Variants in THBS2 observed in about 807,000 individuals in gnomAD.
The protein encoded by THBS2 is thrombospondin 2, also known as thrombospondin-2.
In THBS2, 47 loss-of-function variants were observed where a neutral mutation model predicts 135.2. That is an observed-to-expected ratio of 0.35 (90% CI 0.28 to 0.44). The LOEUF (loss-of-function observed/expected upper bound fraction) is 0.44, where lower values mean the gene tolerates loss of function less well. THBS2 is among the 20% of genes least tolerant of loss of function. The probability of loss-of-function intolerance (pLI) is 1.00; values close to 1 mark genes in which losing one functional copy is unlikely to be tolerated. For synonymous variants in THBS2, 639 were observed against 633.8 expected, an observed-to-expected ratio of 1.01 and a Z score of -0.12; for missense variants, 1,288 against 1,603.1, an observed-to-expected ratio of 0.80 and a Z score of 3.36.
intron 3 of THBS2, among the ~76,000 whole-genome samples, chr6:169,248,185 G>T (rs969267530): frequency 4.6e-5 from 7 of 151,926 alleles, no homozygotes; most frequent in African/African-American, 1.7e-4. Flanking sequence ...TTGTGTGTGT[G>T]TGTGGTGTGT....
Position 169,253,782 on chromosome 6 carries a change from A to C in THBS2, c.-81T>G, listed in dbSNP as rs994882974. 2.6e-5 allele frequency: 4 copies of C among 152,376 alleles called. No homozygotes were observed. Among genetic ancestry groups the C allele is most frequent in the Middle Eastern group, 3.4e-3 (1 of 294 alleles). The allele number at this position is 152,376 out of a possible 1,614,324, so 9.4% of individuals were successfully genotyped here. On this transcript the variant is annotated 5_prime_UTR_variant, in exon 1 of 22. Transcript: ENST00000617924. ...TTCAGTGTTCCGGACCGAGTCAGAA[A>C]GGCGCAGGCTCTGCTGGAGCGAGAG...
At chr6:169,245,086 T>A (rs1208233176) in intron 4 of THBS2, among the ~76,000 whole-genome samples, 1 of 152,226 alleles carries the variant, frequency 6.6e-6, no homozygotes, top group Non-Finnish European at 1.5e-5. Context: ...CTTGTCATAA[T>A]TTGGAATTGA....
chr6:169,249,034 C>T, intron 2 of THBS2, 61 bp from the exon 3 acceptor site: 1 of 1,493,194 alleles, frequency 6.7e-7, no homozygotes, highest in African/African-American at 1.4e-5. Flanking sequence ...GTTGGCCTGA[C>T]CCAGGGTGAC....
At chr6:169,233,957 T>C (rs534848284) in intron 10 of THBS2, among the ~76,000 whole-genome samples, 2 of 143,158 alleles carry the variant, frequency 1.4e-5, no homozygotes, top group East Asian at 2.1e-4. Flanking sequence ...CACCACCTTC[T>C]ACAACACATA....
intron 3 of THBS2, among the ~76,000 whole-genome samples, 172 bp from the exon 4 acceptor site, chr6:169,246,453 T>C (rs1313016251): frequency 6.6e-6 from 1 of 152,236 alleles, no homozygotes; most frequent in African/African-American, 2.4e-5. Context: ...TATATAGTAC[T>C]TTTGAAATTT....
chr6:169,229,751 T>C, intron 13 of THBS2, 72 bp from the exon 14 acceptor site: 1 of 1,274,560 alleles, frequency 7.8e-7, no homozygotes, highest in Admixed American at 1.7e-5. Flanking sequence ...GCAGGTGAAA[T>C]GAAACCAGCA....
At chr6:169,221,965 G>A (rs1345461686) in intron 19 of THBS2, among the ~76,000 whole-genome samples, 1 of 152,182 alleles carries the variant, frequency 6.6e-6, no homozygotes, top group Non-Finnish European at 1.5e-5. Flanking sequence ...GGTAAAAGAG[G>A]TTTAATTTGT....
chr6:169,217,866 A>T, intron 21 of THBS2, 37 bp from the exon 22 acceptor site: 1 of 1,592,680 alleles, frequency 6.3e-7, no homozygotes, highest in South Asian at 1.2e-5. Context: ...AACAATTAGC[A>T]TAACTGGGCC....
intron 4 of THBS2, 21 bp downstream of exon 4, chr6:169,246,176 C>T (rs1246529637): frequency 4.4e-6 from 7 of 1,606,118 alleles, no homozygotes; most frequent in Non-Finnish European, 6.0e-6. Context: ...ATATAAAATG[C>T]ATTTTTCACA....
intron 13 of THBS2, 105 bp downstream of exon 13, chr6:169,231,875 C>CAA (rs770088172): frequency 5.8e-5 from 77 of 1,329,780 alleles, no homozygotes; most frequent in East Asian, 3.3e-4. Context: ...ACCCTCCTTC[C>CAA]AAATTCCCTG....
rs752282545 is a variant in THBS2, at chr6:169,248,750, C to G, written c.276G>C (p.Gln92His). The G allele has an allele frequency of 6.2e-7, 1 of 1,613,198 alleles. No individual in the cohort carries two copies. Among genetic ancestry groups the G allele is most frequent in the Admixed American group, 1.7e-5 (1 of 59,992 alleles). ...EGFFLTAQLK[Q>H]DGKSRGTLLA... ...ACAGCGTGCCCCTGGACTTGCCGTC[C>G]TGCTTGAGCTGGGCCGTGAGGAAGA... is the stretch of plus-strand genomic sequence containing the variant. Residue 92 changes from glutamine to histidine, a missense_variant, in exon 3 of 22, where the codon CAG becomes CAC. Physicochemically the swap from Gln to His is conservative, Grantham distance 24. Transcript: ENST00000617924.
intron 13 of THBS2, among the ~76,000 whole-genome samples, 153 bp from the exon 14 acceptor site, chr6:169,229,832 G>A (rs892774153): frequency 3.3e-5 from 5 of 152,218 alleles, no homozygotes; most frequent in African/African-American, 1.2e-4. Flanking sequence ...GAGCCAGGAG[G>A]CCAGAAGCGC....
intron 20 of THBS2, 101 bp from the exon 21 acceptor site, chr6:169,220,438 G>T (rs886600616): frequency 2.1e-6 from 3 of 1,444,552 alleles, no homozygotes; most frequent in Non-Finnish European, 1.9e-6. Flanking sequence ...ACAAGCTGTG[G>T]ATACTCCGCC....
intron 8 of THBS2, 27 bp downstream of exon 8, chr6:169,237,598 C>A: frequency 6.2e-7 from 1 of 1,610,232 alleles, no homozygotes; most frequent in South Asian, 1.1e-5. Flanking sequence ...CCCACAGGCA[C>A]GCGGGTGTCA....
chr6:169,246,188 C>T lies in THBS2; in HGVS notation c.694+9G>A, dbSNP rs1440266297. 1 of 1,613,296 alleles carries T rather than the reference C, an allele frequency of 6.2e-7. No individual in the cohort carries two copies. Among genetic ancestry groups the T allele is most frequent in the Non-Finnish European group, 8.5e-7 (1 of 1,179,580 alleles). On this transcript the variant is annotated intron_variant, in intron 4 of 21. Coordinates refer to ENST00000617924, the MANE Select transcript of THBS2 (RefSeq NM_003247.5). The stretch of plus-strand genomic sequence containing the variant: ...AGTATATAAAATGCATTTTTCACAA[C>T]ACACCTACCTCCCTGGCCTTGCTGG...
At chr6:169,222,026 G>A (rs1779446865) in intron 19 of THBS2, among the ~76,000 whole-genome samples, 171 bp downstream of exon 19, 1 of 152,228 alleles carries the variant, frequency 6.6e-6, no homozygotes, top group Non-Finnish European at 1.5e-5. Context: ...GTGTTGAGTT[G>A]TAACCCCAGG....
intron 15 of THBS2, among the ~76,000 whole-genome samples, chr6:169,227,234 G>T (rs1779663163): frequency 6.6e-6 from 1 of 152,184 alleles, no homozygotes; most frequent in Non-Finnish European, 1.5e-5. Flanking sequence ...AGGAGCTGGG[G>T]CCGAGCTCCA....
Position 169,223,398 on chromosome 6 carries a change from T to C in THBS2, c.2851A>G (p.Asn951Asp), listed in dbSNP as rs1408487501. ...AAGTCTGTCTCACTGATGGCATTGT[T>C]TTCAGGACACACATCATCAATATCT... ...IPDIDDVCPE[N>D]NAISETDFRN... The change falls in exon 18 of 22, where the codon AAC becomes GAC. Residue 951 changes from asparagine to aspartate, a missense_variant. Physicochemically the swap from Asn to Asp is conservative, Grantham distance 23. Transcript: ENST00000617924. The C allele has an allele frequency of 6.2e-7, 1 of 1,614,138 alleles. No homozygotes were observed. Among genetic ancestry groups the C allele is most frequent in the Admixed American group, 1.7e-5 (1 of 60,020 alleles).
At chr6:169,249,074 A>T in intron 2 of THBS2, 101 bp from the exon 3 acceptor site, 1 of 1,153,662 alleles carries the variant, frequency 8.7e-7, no homozygotes, top group Non-Finnish European at 1.2e-6. Flanking sequence ...AAGGAAATTA[A>T]CGAGGCCTCC....
Sources: allele counts gnomAD v4.1 joint callset (sites outside exome capture counted in the v4.1 genomes callset), GRCh38; gene constraint gnomAD v4.1.1; transcripts MANE v1.5; gene names NCBI Gene and HGNC (gene_info 2026-07-23, HGNC 2026-07-21).